The following CA5A variants were observed in gnomAD, a reference collection of about 807,000 sequenced individuals.
CA5A encodes carbonic anhydrase 5A.
A neutral mutation model predicts 37.1 loss-of-function variants in CA5A; 28 were observed. The ratio of observed to expected loss-of-function variants is 0.75; its 90% confidence interval spans 0.56 to 1.03. The LOEUF (loss-of-function observed/expected upper bound fraction) is 1.03, where lower values mean the gene tolerates loss of function less well. Among genes scored for constraint, CA5A ranks in the 50% least tolerant of loss-of-function variants. The pLI is 0.00. For missense variants in CA5A, 444 were observed against 399.9 expected, an observed-to-expected ratio of 1.11 and a Z score of -0.94; for synonymous variants, 171 against 158.4, an observed-to-expected ratio of 1.08 and a Z score of -0.60.
intron 1 of CA5A, among the ~76,000 whole-genome samples, chr16:87,931,787 T>C (rs1029179503): frequency 3.3e-5 from 5 of 152,232 alleles, no homozygotes; most frequent in African/African-American, 1.2e-4. Flanking sequence ...TGCGGCATCC[T>C]GCAGATGCGT....
chr16:87,904,071 G>A (rs1446548792), intron 3 of CA5A, among the ~76,000 whole-genome samples: 2 of 152,168 alleles, frequency 1.3e-5, no homozygotes, highest in East Asian at 3.8e-4. Context: ...GCCGGGTACG[G>A]TGGCTCACGC....
rs2055961240 is a variant in CA5A at position 87,906,365 on chromosome 16, C to T, written c.341-1461G>A. Among the ~76,000 whole-genome samples the T allele has an allele frequency of 2.6e-5, 4 of 152,200 alleles. No individual in the cohort carries two copies. In the South Asian group the frequency reaches 8.3e-4, roughly 31 times the overall value. On this transcript the variant is annotated intron_variant, in intron 2 of 6. Coordinates refer to ENST00000649794, the MANE Select transcript of CA5A (RefSeq NM_001739.2). The stretch of plus-strand genomic sequence containing the variant: ...TACTTGGGCTGGGCGTGGTGGCTCA[C>T]ACCTGTACTCCTAGCGCTTTGGGAG...
intron 1 of CA5A, among the ~76,000 whole-genome samples, chr16:87,928,045 C>G (rs1401350545): frequency 7.2e-5 from 11 of 152,138 alleles, no homozygotes; most frequent in Non-Finnish European, 1.3e-4. Flanking sequence ...CTCTTGAAAC[C>G]TTAGAGCACT....
intron 2 of CA5A, among the ~76,000 whole-genome samples, chr16:87,922,096 G>A (rs1351420162): frequency 2.6e-5 from 4 of 152,022 alleles, no homozygotes; most frequent in East Asian, 1.9e-4. Context: ...GGCCTATCAC[G>A]GTGCTGGGGT....
At chr16:87,921,987 C>T (rs879926849) in intron 2 of CA5A, among the ~76,000 whole-genome samples, 12 of 152,218 alleles carry the variant, frequency 7.9e-5, no homozygotes, top group African/African-American at 2.6e-4. Flanking sequence ...CCTGCCTCAG[C>T]CTCCCGAGTA....
At chr16:87,915,849 C>G (rs1469310763) in intron 2 of CA5A, among the ~76,000 whole-genome samples, 1 of 151,792 alleles carries the variant, frequency 6.6e-6, no homozygotes, top group African/African-American at 2.4e-5. Context: ...AAGCCAATAA[C>G]ATTTAATAAG....
At chr16:87,899,678 G>A (rs935495389) in intron 5 of CA5A, among the ~76,000 whole-genome samples, 8 of 150,364 alleles carry the variant, frequency 5.3e-5, no homozygotes, top group African/African-American at 2.0e-4. Context: ...CCAGCAATTT[G>A]GGAGGCCAAG....
At chr16:87,904,384 CAAA>C (rs2055927077) in intron 3 of CA5A, among the ~76,000 whole-genome samples, 2 of 150,364 alleles carry the variant, frequency 1.3e-5, no homozygotes, top group South Asian at 4.2e-4. Flanking sequence ...AACAAACAAA[CAAA>C]AGAAGATGAT....
At chr16:87,933,255 G>A (rs1038337588) in intron 1 of CA5A, among the ~76,000 whole-genome samples, 1 of 152,264 alleles carries the variant, frequency 6.6e-6, no homozygotes, top group South Asian at 2.1e-4. Context: ...TGACTGTGGT[G>A]TAAATACTTT....
intron 1 of CA5A, among the ~76,000 whole-genome samples, chr16:87,930,961 G>C (rs1362909143): frequency 2.6e-5 from 4 of 151,832 alleles, no homozygotes; most frequent in African/African-American, 9.7e-5. Flanking sequence ...GGATGGTCTC[G>C]ATCTCCTGAC....
intron 5 of CA5A, among the ~76,000 whole-genome samples, chr16:87,900,300 C>T (rs2055860579): frequency 1.3e-5 from 2 of 152,332 alleles, no homozygotes; most frequent in South Asian, 4.1e-4. Context: ...TCAGAGCTCT[C>T]AGAACCGTGG....
At chr16:87,930,734 T>TGGCAGGAGAGGGAGCCCTCTGCTGCCAG (rs2056390446) in intron 1 of CA5A, among the ~76,000 whole-genome samples, 1 of 56,014 alleles carries the variant, frequency 1.8e-5, no homozygotes, top group African/African-American at 1.1e-4. Context: ...TCTTTGGATC[T>TGGCAGGAGAGGGAGCCCTCTGCTGCCAG]ATTTTTTTTT....
At chr16:87,930,071 A>G (rs2056381353) in intron 1 of CA5A, among the ~76,000 whole-genome samples, 1 of 151,940 alleles carries the variant, frequency 6.6e-6, no homozygotes, top group Non-Finnish European at 1.5e-5. Context: ...GTTTATTTTA[A>G]TTTTCTCTCT....
rs530382123 is a variant in CA5A at position 87,921,292 on chromosome 16, A to T, written c.340+5456T>A. Among the ~76,000 whole-genome samples, 7 of 152,358 alleles carry T rather than the reference A, an allele frequency of 4.6e-5. No homozygotes were observed. In the South Asian group the frequency reaches 1.2e-3, roughly 27 times the overall value. On this transcript the variant is annotated intron_variant, in intron 2 of 6. Coordinates refer to ENST00000649794, the MANE Select transcript of CA5A (RefSeq NM_001739.2). Reference sequence around the variant, plus strand: ...AGTGATAGGAACTTAAACTGATTTTAAAAAGAGGCTTATTAGTACAGGGGT... The same window carrying T: ...AGTGATAGGAACTTAAACTGATTTTTAAAAGAGGCTTATTAGTACAGGGGT...
chr16:87,917,630 CAT>C (rs1490130527), intron 2 of CA5A, among the ~76,000 whole-genome samples: 5 of 151,386 alleles, frequency 3.3e-5, no homozygotes, highest in African/African-American at 7.3e-5. Context: ...CACAAACACA[CAT>C]GTGCGCACAC....
chr16:87,925,781 C>T (rs1479383511), intron 2 of CA5A, among the ~76,000 whole-genome samples: 1 of 152,158 alleles, frequency 6.6e-6, no homozygotes, highest in African/African-American at 2.4e-5. Context: ...TGGTGGCTTT[C>T]AGGACCTCTC....
intron 1 of CA5A, among the ~76,000 whole-genome samples, chr16:87,930,735 A>ATT (rs68126628): frequency 7.4e-6 from 1 of 134,496 alleles, no homozygotes; most frequent in African/African-American, 2.9e-5. Flanking sequence ...CTTTGGATCT[A>ATT]TTTTTTTTTT....
intron 2 of CA5A, chr16:87,924,315 A>G: frequency 2.0e-6 from 2 of 985,382 alleles, no homozygotes; most frequent in East Asian, 2.3e-4. Context: ...CTGAGCATAC[A>G]GGCAGCGTGG....
chr16:87,908,706 G>A (rs1299271770), intron 2 of CA5A, among the ~76,000 whole-genome samples: 1 of 152,164 alleles, frequency 6.6e-6, no homozygotes, highest in Non-Finnish European at 1.5e-5. Context: ...GCTAACTCTG[G>A]GGCTGGAAGA....
Sources: allele counts gnomAD v4.1 joint callset (sites outside exome capture counted in the v4.1 genomes callset), GRCh38; gene constraint gnomAD v4.1.1; transcripts MANE v1.5; gene names NCBI Gene and HGNC (gene_info 2026-07-23, HGNC 2026-07-21).